The following SCHIP1 variants were observed in gnomAD, a reference collection of about 807,000 sequenced individuals.
The protein encoded by SCHIP1 is schwannomin interacting protein 1.
SCHIP1 carries 8 observed loss-of-function variants against 29.7 expected under a neutral mutation model. That is an observed-to-expected ratio of 0.27 (90% CI 0.16 to 0.49). The LOEUF is 0.49. SCHIP1 is among the 20% of genes least tolerant of loss of function. The pLI, the probability that SCHIP1 is intolerant of heterozygous loss-of-function variation, is 0.99. For synonymous variants in SCHIP1, 76 were observed against 94.9 expected (o/e 0.80, Z 1.16); for missense variants, 193 against 294.6 (o/e 0.66, Z 2.52).
the SCHIP1 span, among the ~76,000 whole-genome samples, chr3:159,553,786 T>C: frequency 6.6e-6 from 1 of 151,264 alleles, no homozygotes; most frequent in African/African-American, 2.4e-5. Context: ...AGTAATTTTA[T>C]AGATATTTTT....
chr3:159,370,577 G>A, the SCHIP1 span, among the ~76,000 whole-genome samples: 1 of 152,204 alleles, frequency 6.6e-6, no homozygotes, highest in South Asian at 2.1e-4. Context: ...GTTTCCAGAA[G>A]AAAGCATTTG....
At chr3:159,302,892 A>G in the SCHIP1 span, among the ~76,000 whole-genome samples, 1 of 152,204 alleles carries the variant, frequency 6.6e-6, no homozygotes, top group African/African-American at 2.4e-5. Flanking sequence ...AAATAAGACT[A>G]AAATTATGTC....
At chr3:159,633,400 G>A in the SCHIP1 span, among the ~76,000 whole-genome samples, 49 of 152,168 alleles carry the variant, frequency 3.2e-4, 2 homozygotes, top group East Asian at 1.7e-3. Context: ...ACCAATGCCC[G>A]GCACAATAAA....
chr3:159,293,718 A>ATTAGC, the SCHIP1 span, among the ~76,000 whole-genome samples: 2 of 152,140 alleles, frequency 1.3e-5, no homozygotes, highest in Non-Finnish European at 2.9e-5. Flanking sequence ...CTGATATCAG[A>ATTAGC]TTAGCTGCTG....
At chr3:159,385,019 T>C in the SCHIP1 span, among the ~76,000 whole-genome samples, 1 of 152,304 alleles carries the variant, frequency 6.6e-6, no homozygotes, top group East Asian at 1.9e-4. Flanking sequence ...TTTATTAGTC[T>C]TGCTAGCGGT....
the SCHIP1 span, among the ~76,000 whole-genome samples, chr3:159,336,105 C>A: frequency 6.6e-6 from 1 of 152,286 alleles, no homozygotes; most frequent in Non-Finnish European, 1.5e-5. Flanking sequence ...TGATGATGAG[C>A]ATTTTTTCAT....
intron 2 of SCHIP1, among the ~76,000 whole-genome samples, chr3:159,885,834 T>C (rs1716910085): frequency 6.6e-6 from 1 of 152,232 alleles, no homozygotes; most frequent in African/African-American, 2.4e-5. Context: ...CTGGGACGGG[T>C]TCTCTAGATG....
At chr3:159,812,403 A>G in the SCHIP1 span, among the ~76,000 whole-genome samples, 6 of 152,236 alleles carry the variant, frequency 3.9e-5, no homozygotes, top group Non-Finnish European at 5.9e-5. Flanking sequence ...AAAATGGAAA[A>G]TTTAAACAAG....
chr3:159,453,612 A>C, the SCHIP1 span, among the ~76,000 whole-genome samples: 1 of 152,152 alleles, frequency 6.6e-6, no homozygotes, highest in Admixed American at 6.5e-5. Context: ...CCTATCTTTG[A>C]GGTTCACCAT....
At chr3:159,545,367 A>C in the SCHIP1 span, among the ~76,000 whole-genome samples, 1 of 152,060 alleles carries the variant, frequency 6.6e-6, no homozygotes, top group South Asian at 2.1e-4. Flanking sequence ...CTAGAATATA[A>C]GCAGGCAGAA....
At chr3:159,781,840 G>T in the SCHIP1 span, among the ~76,000 whole-genome samples, 1 of 152,170 alleles carries the variant, frequency 6.6e-6, no homozygotes, top group African/African-American at 2.4e-5. Context: ...CTTCTCTGTG[G>T]CACAGGACCA....
the SCHIP1 span, among the ~76,000 whole-genome samples, chr3:159,775,407 G>A: frequency 3.3e-4 from 50 of 152,312 alleles, no homozygotes; most frequent in Admixed American, 2.2e-3. Flanking sequence ...GCAGACAGCG[G>A]ATGGTCTGTC....
At chr3:159,587,938 T>C in the SCHIP1 span, among the ~76,000 whole-genome samples, 1 of 152,214 alleles carries the variant, frequency 6.6e-6, no homozygotes, top group Non-Finnish European at 1.5e-5. Context: ...TACGTGTGCA[T>C]GTGTCTTTAT....
chr3:159,412,142 G>T, the SCHIP1 span, among the ~76,000 whole-genome samples: 52 of 152,140 alleles, frequency 3.4e-4, no homozygotes, highest in African/African-American at 1.2e-3. Flanking sequence ...AGAAACTGAG[G>T]CTTAGGAAGG....
At chr3:159,523,323 C>CA in the SCHIP1 span, among the ~76,000 whole-genome samples, 2 of 152,252 alleles carry the variant, frequency 1.3e-5, no homozygotes, top group East Asian at 3.9e-4. Flanking sequence ...AATCAAGTTT[C>CA]AAATAAGGTA....
At chr3:159,636,514 C>A in the SCHIP1 span, among the ~76,000 whole-genome samples, 4 of 152,024 alleles carry the variant, frequency 2.6e-5, no homozygotes, top group African/African-American at 9.7e-5. Context: ...AATTTCAGGA[C>A]CTAAAAGTTA....
upstream of SCHIP1, among the ~76,000 whole-genome samples, chr3:159,838,638 C>A (rs184293765): frequency 6.6e-6 from 1 of 152,198 alleles, no homozygotes; most frequent in Non-Finnish European, 1.5e-5. Context: ...CGCCTATAAT[C>A]CCAGCACTTT....
At chr3:159,799,147 G>T in the SCHIP1 span, among the ~76,000 whole-genome samples, 1 of 152,164 alleles carries the variant, frequency 6.6e-6, no homozygotes, top group Non-Finnish European at 1.5e-5. Context: ...GCAGTCCTTT[G>T]TAACTGTTTG....
chr3:159,802,277 A>G, the SCHIP1 span, among the ~76,000 whole-genome samples: 2 of 152,242 alleles, frequency 1.3e-5, no homozygotes, highest in African/African-American at 4.8e-5. Context: ...TCACATTGCA[A>G]GTAAATGGCA....
Sources: allele counts gnomAD v4.1 joint callset (sites outside exome capture counted in the v4.1 genomes callset), GRCh38; gene constraint gnomAD v4.1.1; transcripts MANE v1.5; gene names NCBI Gene and HGNC (gene_info 2026-07-23, HGNC 2026-07-21).